RALGAPA2: variants seen among roughly 807,000 people sequenced by gnomAD.
RALGAPA2 encodes ral GTPase-activating protein subunit alpha-2.
Under a neutral mutation model 230.4 loss-of-function variants are expected in RALGAPA2, and 139 were observed. That is an observed-to-expected ratio of 0.60 (90% confidence interval 0.53 to 0.69). The LOEUF (loss-of-function observed/expected upper bound fraction) is 0.69, where lower values mean the gene tolerates loss of function less well. Among genes scored for constraint, RALGAPA2 ranks in the 30% least tolerant of loss-of-function variants. RALGAPA2 has a pLI of 0.00. For missense variants in RALGAPA2, 2,163 were observed against 2,276.0 expected, an observed-to-expected ratio of 0.95 and a Z score of 1.01; for synonymous variants, 847 against 837.8, an observed-to-expected ratio of 1.01 and a Z score of -0.19.
chr20:20,614,767 CTCGTG>C (rs2066082345), intron 13 of RALGAPA2, among the ~76,000 whole-genome samples: 3 of 152,200 alleles, frequency 2.0e-5, no homozygotes. Context: ...TCAGACCTGC[CTCGTG>C]TCCATGGTTT....
rs201983415 is a variant in RALGAPA2, at chr20:20,573,039, T to C, written c.2737A>G (p.Ser913Gly). The C allele has an allele frequency of 1.6e-4, 259 of 1,609,142 alleles. No individual in the cohort carries two copies. Among genetic ancestry groups the C allele is most frequent in the Non-Finnish European group, 2.1e-4 (243 of 1,177,758 alleles). The change falls in exon 21 of 40, where the codon AGT (serine) becomes GGT (glycine). Residue 913 changes from serine (S) to glycine (G), a missense_variant. Ser to Gly is a moderately conservative substitution (Grantham distance 56). Coordinates refer to ENST00000202677, the MANE Select transcript of RALGAPA2 (RefSeq NM_020343.4). ...DSSECLTDDC[S>G]IIAGGSLTGW... ...GTGAGGCTCCCCCCGGCGATTATAC[T>C]ACAGTCATCTGTGAGGCACTCGCTG... is the stretch of plus-strand genomic sequence containing the variant.
intron 37 of RALGAPA2, among the ~76,000 whole-genome samples, chr20:20,414,150 C>G (rs2060119925): frequency 6.6e-6 from 1 of 152,214 alleles, no homozygotes; most frequent in Non-Finnish European, 1.5e-5. Context: ...ACAAATTACT[C>G]AAAGAGCTGA....
rs1036133726 is a variant in RALGAPA2, at chr20:20,642,866, T to G, written c.372+640A>C. 5.3e-5 allele frequency among the ~76,000 whole-genome samples: 8 copies of G among 152,318 alleles called. 1 individual carries two copies. The highest frequency in any genetic ancestry group is 1.7e-4 in the African/African-American group (7 of 41,574). ...ATTAAAGGCATTCGCACAACTTAAT[T>G]AACTCCAAGTGAATTACCTTTCATA... On this transcript the variant is annotated intron_variant, in intron 5 of 39. Coordinates refer to ENST00000202677, the MANE Select transcript of RALGAPA2 (RefSeq NM_020343.4).
rs1263224258 is a variant in RALGAPA2 at position 20,490,878 on chromosome 20, A to ACG, written c.5367+4238_5367+4239insCG. ...CACACATGAACACACACACACACAC[A>ACG]CACACACACACACACACTCACACTC... On this transcript the variant is annotated intron_variant, in intron 36 of 39. Coordinates refer to ENST00000202677, the MANE Select transcript of RALGAPA2 (RefSeq NM_020343.4). Among the ~76,000 whole-genome samples the ACG allele has an allele frequency of 1.5e-4, 22 of 151,426 alleles. No homozygotes were observed. In the South Asian group the frequency reaches 4.6e-3, roughly 32 times the overall value.
intron 36 of RALGAPA2, among the ~76,000 whole-genome samples, chr20:20,476,718 T>G (rs570750350): frequency 2.1e-5 from 3 of 146,268 alleles, no homozygotes; most frequent in African/African-American, 7.5e-5. Context: ...AATAAATAAA[T>G]AAAAGAAAAT....
At position 20,531,594 on chromosome 20, in the gene RALGAPA2, G is replaced by A; in HGVS notation, c.3582+93C>T. The A allele has an allele frequency of 3.8e-6, 4 of 1,062,382 alleles. 1 individual carries two copies. The highest frequency in any genetic ancestry group is 2.7e-5 in the South Asian group (2 of 73,208). The allele number at this position is 1,062,382 out of a possible 1,614,324, so 65.8% of individuals were successfully genotyped here. A position where few individuals can be genotyped will look rare whatever the true frequency, so the allele number is the denominator to read the frequency against. On this transcript the variant is annotated intron_variant, in intron 27 of 39. Transcript: ENST00000202677. The stretch of plus-strand genomic sequence containing the variant: ...GGGAATCACAATCCCTCTGTCATTT[G>A]GGGGATAAAAAAGATGGGGCTAATT...
rs2063034191 is a variant in RALGAPA2, at chr20:20,521,290, A to G, written c.3901-190T>C. Among the ~76,000 whole-genome samples the G allele has an allele frequency of 2.6e-5, 4 of 152,196 alleles. No homozygotes were observed. The South Asian group carries it at 8.3e-4, about 32-fold the overall frequency. On this transcript the variant is annotated intron_variant, in intron 30 of 39. Transcript: ENST00000202677. The stretch of plus-strand genomic sequence containing the variant: ...GCTCCTTTCATATCAATGCCAAGAA[A>G]TATGTTCTCAAGGCAAAAGGAAAGT...
rs1213170095 is a variant in RALGAPA2, at chr20:20,654,650, A to AT, written c.271-1064_271-1063insA. Among the ~76,000 whole-genome samples, 13 of 152,344 alleles carry AT rather than the reference A, an allele frequency of 8.5e-5. No individual in the cohort carries two copies. The South Asian group carries it at 2.7e-3, about 32-fold the overall frequency. ...TCTATATCCATTCATTCACTGATGG[A>AT]CACTTAGGTTGTTTCCATATCTCAA... On this transcript the variant is annotated intron_variant, in intron 3 of 39. Coordinates refer to ENST00000202677, the MANE Select transcript of RALGAPA2 (RefSeq NM_020343.4).
intron 37 of RALGAPA2, among the ~76,000 whole-genome samples, chr20:20,458,712 A>C (rs1268816187): frequency 1.5e-5 from 2 of 131,288 alleles, no homozygotes; most frequent in African/African-American, 2.9e-5. Context: ...ACACACACAC[A>C]CCTATATATA....
At chr20:20,497,519 C>G (rs1014707737) in intron 35 of RALGAPA2, among the ~76,000 whole-genome samples, 5 of 152,196 alleles carry the variant, frequency 3.3e-5, no homozygotes, top group Admixed American at 2.0e-4. Flanking sequence ...CACTCACCTA[C>G]TAAACACCCC....
intron 1 of RALGAPA2, among the ~76,000 whole-genome samples, chr20:20,694,177 A>C (rs2069021485): frequency 6.6e-6 from 1 of 152,152 alleles, no homozygotes; most frequent in African/African-American, 2.4e-5. Flanking sequence ...GGTTAAGGGA[A>C]GCATGCCTGG....
intron 24 of RALGAPA2, among the ~76,000 whole-genome samples, chr20:20,545,031 G>T (rs1477221164): frequency 6.6e-6 from 1 of 152,088 alleles, no homozygotes; most frequent in East Asian, 1.9e-4. Context: ...AAAAAAATGA[G>T]TATTTCAATA....
chr20:20,487,730 G>A (rs2061948773), intron 36 of RALGAPA2, among the ~76,000 whole-genome samples: 1 of 151,918 alleles, frequency 6.6e-6, no homozygotes, highest in East Asian at 1.9e-4. Flanking sequence ...GCCACACAGT[G>A]AAATCCCATT....
At chr20:20,664,921 G>C (rs1488913236) in intron 3 of RALGAPA2, among the ~76,000 whole-genome samples, 2 of 152,124 alleles carry the variant, frequency 1.3e-5, no homozygotes, top group African/African-American at 2.4e-5. Flanking sequence ...GGAAAAGCCA[G>C]TGCACAAAGG....
chr20:20,694,405 G>C (rs1485569372), intron 1 of RALGAPA2, among the ~76,000 whole-genome samples: 2 of 152,200 alleles, frequency 1.3e-5, no homozygotes, highest in Non-Finnish European at 2.9e-5. Context: ...GACTGAAGTG[G>C]CTTTCCCCAA....
chr20:20,573,572 C>T (rs925884665), intron 20 of RALGAPA2, among the ~76,000 whole-genome samples: 3 of 152,184 alleles, frequency 2.0e-5, no homozygotes, highest in African/African-American at 7.2e-5. Flanking sequence ...TGGAGGATCT[C>T]ATCACTCCAA....
At chr20:20,488,616 T>A (rs1352650652) in intron 36 of RALGAPA2, among the ~76,000 whole-genome samples, 2 of 152,254 alleles carry the variant, frequency 1.3e-5, no homozygotes, top group African/African-American at 4.8e-5. Flanking sequence ...TTCTTTTTCT[T>A]GCTGTGAGGA....
At chr20:20,536,614 A>G (rs1284082462) in intron 25 of RALGAPA2, 42 bp downstream of exon 25, 6 of 1,592,672 alleles carry the variant, frequency 3.8e-6, no homozygotes, top group Non-Finnish European at 5.1e-6. Flanking sequence ...CTAGAATTAT[A>G]AAAAGTACTA....
At chr20:20,422,077 A>C (rs6046848) in intron 37 of RALGAPA2, among the ~76,000 whole-genome samples, 98,183 of 151,986 alleles carry the variant, frequency 0.65, 31,707 homozygotes, top group African/African-American at 0.68. Flanking sequence ...TGTCCAGAAT[A>C]AGCAAATTAA....
Sources: gnomAD v4.1 joint callset for allele counts (sites outside exome capture counted in the v4.1 genomes callset) on GRCh38, gnomAD v4.1.1 for gene constraint, MANE v1.5 for transcripts, NCBI Gene and HGNC (gene_info 2026-07-23, HGNC 2026-07-21) for gene names.